PTPRD: variants seen among roughly 807,000 people sequenced by gnomAD.
PTPRD encodes the protein receptor-type tyrosine-protein phosphatase delta.
In PTPRD, 34 loss-of-function variants were observed where a neutral mutation model predicts 214.5. The ratio of observed to expected loss-of-function variants is 0.16; its 90% confidence interval spans 0.12 to 0.21. PTPRD has a LOEUF of 0.21. PTPRD is among the 10% of genes least tolerant of loss of function. The pLI, the probability that PTPRD is intolerant of heterozygous loss-of-function variation, is 1.00. For synonymous variants in PTPRD, 1,128 were observed against 845.7 expected, an observed-to-expected ratio of 1.33 and a Z score of -5.79; for missense variants, 2,545 against 2,398.7, an observed-to-expected ratio of 1.06 and a Z score of -1.27.
At chr9:8,444,638 C>T (rs1018000893) in intron 34 of PTPRD, among the ~76,000 whole-genome samples, 3 of 151,984 alleles carry the variant, frequency 2.0e-5, no homozygotes, top group Admixed American at 6.6e-5. Flanking sequence ...AATTTTCAAA[C>T]GTACACAAAA....
chr9:8,711,654 G>C (rs888791924), intron 12 of PTPRD, among the ~76,000 whole-genome samples: 1 of 152,142 alleles, frequency 6.6e-6, no homozygotes, highest in Non-Finnish European at 1.5e-5. Context: ...TATTAGCCCA[G>C]ACCCCATCTA....
intron 8 of PTPRD, among the ~76,000 whole-genome samples, chr9:9,503,494 A>C (rs938120743): frequency 6.6e-6 from 1 of 151,684 alleles, no homozygotes; most frequent in African/African-American, 2.4e-5. Context: ...TCATAACTGT[A>C]AGACCAGATG....
intron 5 of PTPRD, among the ~76,000 whole-genome samples, chr9:9,784,869 C>T (rs34320193): frequency 0.094 from 13,761 of 145,836 alleles, 745 homozygotes; most frequent in South Asian, 0.21. Flanking sequence ...TATATATATA[C>T]ACACACACAC....
intron 12 of PTPRD, among the ~76,000 whole-genome samples, chr9:8,665,010 A>G (rs1804634887): frequency 6.6e-6 from 1 of 152,230 alleles, no homozygotes; most frequent in African/African-American, 2.4e-5. Context: ...TTCTTAGCAG[A>G]ACACTAAAAT....
At chr9:10,232,015 TGTGTGTGTGTGTGA>T (rs1227838504) in intron 3 of PTPRD, among the ~76,000 whole-genome samples, 3 of 151,030 alleles carry the variant, frequency 2.0e-5, no homozygotes, top group Admixed American at 1.3e-4. Flanking sequence ...TGTGTGTGTG[TGTGTGTGTGTGTGA>T]GGTGCACTCT....
chr9:10,360,725 G>C (rs562465754), intron 2 of PTPRD, among the ~76,000 whole-genome samples: 4 of 152,062 alleles, frequency 2.6e-5, no homozygotes, highest in Non-Finnish European at 5.9e-5. Flanking sequence ...GATATTTACT[G>C]TATTAAATAT....
chr9:10,511,569 A>ATTTTTTTTTTTTTTTTTTTT, intron 2 of PTPRD, among the ~76,000 whole-genome samples: 1 of 127,860 alleles, frequency 7.8e-6, no homozygotes, highest in Admixed American at 8.1e-5. Context: ...ACACCCTGGT[A>ATTTTTTTTTTTTTTTTTTTT]TTTTTTTTTT....
intron 7 of PTPRD, among the ~76,000 whole-genome samples, chr9:9,639,493 T>C (rs894924569): frequency 2.6e-5 from 4 of 152,226 alleles, no homozygotes; most frequent in Admixed American, 6.5e-5. Context: ...TAGCAGGCTA[T>C]GTTTATCTCA....
chr9:8,821,210 A>G (rs1026075387), intron 11 of PTPRD, among the ~76,000 whole-genome samples: 1 of 152,226 alleles, frequency 6.6e-6, no homozygotes, highest in Non-Finnish European at 1.5e-5. Flanking sequence ...GAAAATTCTT[A>G]GATGATCACA....
chr9:9,814,349 A>G (rs1475308545), intron 5 of PTPRD, among the ~76,000 whole-genome samples: 1 of 151,896 alleles, frequency 6.6e-6, no homozygotes, highest in Non-Finnish European at 1.5e-5. Flanking sequence ...AGGAAGCCAA[A>G]GTATTTGTTT....
At chr9:9,107,653 A>G (rs324545) in intron 10 of PTPRD, among the ~76,000 whole-genome samples, 110,780 of 152,012 alleles carry the variant, frequency 0.73, 40,565 homozygotes, top group African/African-American at 0.75. Flanking sequence ...TTATATATGG[A>G]CTTACTTGTC....
At chr9:9,160,749 A>G (rs1290527609) in intron 10 of PTPRD, among the ~76,000 whole-genome samples, 1 of 152,200 alleles carries the variant, frequency 6.6e-6, no homozygotes, top group Non-Finnish European at 1.5e-5. Context: ...TTGCAGCATT[A>G]TTCACAATAG....
chr9:8,766,380 G>T (rs1436273664), intron 11 of PTPRD, among the ~76,000 whole-genome samples: 1 of 152,054 alleles, frequency 6.6e-6, no homozygotes, highest in Non-Finnish European at 1.5e-5. Flanking sequence ...TGTACCCTGA[G>T]ATGGGACGGC....
intron 3 of PTPRD, among the ~76,000 whole-genome samples, chr9:10,189,436 T>G (rs1324917803): frequency 1.3e-5 from 2 of 152,164 alleles, no homozygotes; most frequent in Non-Finnish European, 2.9e-5. Context: ...ATAACACCAC[T>G]AAAGGCCCAA....
At chr9:9,676,482 T>G (rs1437552553) in intron 7 of PTPRD, among the ~76,000 whole-genome samples, 3 of 152,078 alleles carry the variant, frequency 2.0e-5, no homozygotes, top group Non-Finnish European at 2.9e-5. Flanking sequence ...CTGCATAGTA[T>G]TCCATGGTGT....
chr9:9,033,157 A>G (rs969804678), intron 10 of PTPRD, among the ~76,000 whole-genome samples: 4 of 152,156 alleles, frequency 2.6e-5, no homozygotes, highest in African/African-American at 7.2e-5. Context: ...CTCACTGGGT[A>G]TAGTCCATAG....
At chr9:10,327,809 C>T (rs2096671863) in intron 3 of PTPRD, among the ~76,000 whole-genome samples, 1 of 151,688 alleles carries the variant, frequency 6.6e-6, no homozygotes, top group Admixed American at 6.6e-5. Context: ...CAAACCAATG[C>T]CAAACTTTTT....
chr9:9,187,991 C>G (rs2099932710), intron 9 of PTPRD, among the ~76,000 whole-genome samples: 1 of 151,914 alleles, frequency 6.6e-6, no homozygotes, highest in Admixed American at 6.6e-5. Context: ...AAATAAACAT[C>G]AGGGTAAACA....
chr9:8,546,825 G>T (rs985308398), intron 14 of PTPRD, among the ~76,000 whole-genome samples: 44 of 152,128 alleles, frequency 2.9e-4, no homozygotes, highest in African/African-American at 1.0e-3. Context: ...CTAAAGAACT[G>T]ATTTGTTATT....
Sources: allele counts gnomAD v4.1 joint callset (sites outside exome capture counted in the v4.1 genomes callset), GRCh38; gene constraint gnomAD v4.1.1; transcripts MANE v1.5; gene names NCBI Gene and HGNC (gene_info 2026-07-23, HGNC 2026-07-21).